ADAMTSL1: variants seen among roughly 807,000 people sequenced by gnomAD.
ADAMTSL1 encodes ADAMTS-like protein 1.
Under a neutral mutation model 201.8 loss-of-function variants are expected in ADAMTSL1, and 126 were observed. The observed-to-expected ratio is 0.62, with a 90% CI of 0.54 to 0.72. The LOEUF (loss-of-function observed/expected upper bound fraction) is 0.72, where lower values mean the gene tolerates loss of function less well. ADAMTSL1 is among the 30% of genes least tolerant of loss of function. ADAMTSL1 has a pLI of 0.00. For missense variants in ADAMTSL1, 2,679 were observed against 2,277.8 expected (o/e 1.18, Z -3.59); for synonymous variants, 1,121 against 903.4 (o/e 1.24, Z -4.32).
intron 3 of ADAMTSL1, among the ~76,000 whole-genome samples, chr9:18,552,662 C>T (rs1820858479): frequency 6.6e-6 from 1 of 151,626 alleles, no homozygotes; most frequent in Non-Finnish European, 1.5e-5. Context: ...GTTAATTTGC[C>T]AATTTCACCT....
chr9:18,896,303 C>T (rs946281784), intron 26 of ADAMTSL1, among the ~76,000 whole-genome samples: 1 of 152,124 alleles, frequency 6.6e-6, no homozygotes, highest in African/African-American at 2.4e-5. Flanking sequence ...AAGAGGGAAT[C>T]TTGAAAGCAG....
chr9:18,118,360 T>C (rs1448883239), intron 1 of ADAMTSL1, among the ~76,000 whole-genome samples: 1 of 152,210 alleles, frequency 6.6e-6, no homozygotes, highest in Admixed American at 6.5e-5. Context: ...TGCTGAGCAA[T>C]AAACAGTCCT....
rs148385674 is a variant in ADAMTSL1 at position 18,474,764 on chromosome 9, G to A, written c.63+469G>A. 9.2e-4 allele frequency among the ~76,000 whole-genome samples: 140 copies of A among 152,240 alleles called. No homozygotes were observed. In the East Asian group the frequency reaches 0.021, roughly 22 times the overall value. On this transcript the variant is annotated intron_variant, in intron 1 of 28. Transcript: ENST00000380548. ...ATGTACTATGGAACCAGGTAAAGAGGGGAATGAGAGCCTCTTTGCAGCCAA... is the reference window on the plus strand; with the variant it reads ...ATGTACTATGGAACCAGGTAAAGAGAGGAATGAGAGCCTCTTTGCAGCCAA...
chr9:18,849,292 A>C (rs1026276086), intron 23 of ADAMTSL1, among the ~76,000 whole-genome samples: 1 of 152,160 alleles, frequency 6.6e-6, no homozygotes, highest in African/African-American at 2.4e-5. Context: ...TCCGTCCCAC[A>C]TACCTCCACC....
chr9:18,607,982 G>A (rs1022632079), intron 4 of ADAMTSL1, among the ~76,000 whole-genome samples: 3 of 151,958 alleles, frequency 2.0e-5, no homozygotes, highest in Non-Finnish European at 4.4e-5. Context: ...TATCATTGTC[G>A]GACATAAACC....
chr9:18,616,508 C>T (rs148621364), intron 4 of ADAMTSL1, among the ~76,000 whole-genome samples: 1 of 152,204 alleles, frequency 6.6e-6, no homozygotes. Flanking sequence ...AATTATGGTG[C>T]TCCCGAGTGG....
chr9:18,168,450 T>A (rs1587209314), intron 2 of ADAMTSL1, among the ~76,000 whole-genome samples: 3 of 152,160 alleles, frequency 2.0e-5, no homozygotes, highest in African/African-American at 4.8e-5. Context: ...ACAAAGGACA[T>A]GAACTCATCA....
At chr9:17,919,742 T>C (rs565840179) in intron 1 of ADAMTSL1, among the ~76,000 whole-genome samples, 2 of 152,294 alleles carry the variant, frequency 1.3e-5, no homozygotes, top group African/African-American at 2.4e-5. Flanking sequence ...TTTGGATTTT[T>C]CCCACTTTTT....
At chr9:17,959,739 A>G (rs1255561370) in intron 1 of ADAMTSL1, among the ~76,000 whole-genome samples, 1 of 152,222 alleles carries the variant, frequency 6.6e-6, no homozygotes, top group Non-Finnish European at 1.5e-5. Flanking sequence ...TATAGGAGCA[A>G]GCCACTGCAC....
At chr9:18,565,218 A>G (rs35847846) in intron 3 of ADAMTSL1, among the ~76,000 whole-genome samples, 39,187 of 152,098 alleles carry the variant, frequency 0.26, 5,810 homozygotes, top group Admixed American at 0.36. Flanking sequence ...AAAGCTTTCA[A>G]TATACCTGTA....
chr9:18,394,426 T>C (rs1399562067), intron 2 of ADAMTSL1, among the ~76,000 whole-genome samples: 1 of 152,224 alleles, frequency 6.6e-6, no homozygotes, highest in Non-Finnish European at 1.5e-5. Flanking sequence ...ATGATATTCC[T>C]GACATTGTAA....
intron 4 of ADAMTSL1, among the ~76,000 whole-genome samples, chr9:18,576,917 A>G (rs1822772248): frequency 1.3e-5 from 2 of 151,886 alleles, no homozygotes; most frequent in South Asian, 4.2e-4. Context: ...TCGATTTTAT[A>G]TCTTGCCCAG....
chr9:18,641,844 AT>A (rs1827460416), intron 7 of ADAMTSL1, among the ~76,000 whole-genome samples: 2 of 152,000 alleles, frequency 1.3e-5, no homozygotes, highest in Admixed American at 1.3e-4. Flanking sequence ...TATATATCAT[AT>A]GAATTAAGCT....
intron 2 of ADAMTSL1, among the ~76,000 whole-genome samples, chr9:18,332,518 A>G (rs1037295460): frequency 2.6e-5 from 4 of 152,218 alleles, no homozygotes; most frequent in Non-Finnish European, 5.9e-5. Flanking sequence ...TGTTACAATC[A>G]TAGCCCCCTG....
At chr9:18,530,689 A>G (rs943894596) in intron 2 of ADAMTSL1, among the ~76,000 whole-genome samples, 1 of 152,188 alleles carries the variant, frequency 6.6e-6, no homozygotes, top group South Asian at 2.1e-4. Flanking sequence ...TAATTAATTT[A>G]TCTAACATCT....
intron 1 of ADAMTSL1, among the ~76,000 whole-genome samples, chr9:18,044,041 C>T (rs1821551335): frequency 2.0e-5 from 3 of 149,030 alleles, no homozygotes; most frequent in Non-Finnish European, 4.5e-5. Flanking sequence ...CCCTTGGGAA[C>T]CATTGTTATC....
At chr9:18,857,499 G>C (rs1459267124) in intron 23 of ADAMTSL1, among the ~76,000 whole-genome samples, 1 of 152,176 alleles carries the variant, frequency 6.6e-6, no homozygotes, top group Non-Finnish European at 1.5e-5. Context: ...ATGAGTCTTT[G>C]TTGTGAGACT....
chr9:18,274,465 G>A (rs757839861), intron 2 of ADAMTSL1, among the ~76,000 whole-genome samples: 5 of 152,030 alleles, frequency 3.3e-5, no homozygotes, highest in Non-Finnish European at 7.4e-5. Flanking sequence ...ATATCCTCAT[G>A]AAAAGAGTTA....
rs377150046 is a variant in ADAMTSL1, at chr9:18,777,018, G to T, written c.2789G>T (p.Gly930Val). Reference protein sequence around the residue: ...SSTHVTVAPFGYLKIHRLKPS... With the variant: ...SSTHVTVAPFVYLKIHRLKPS... Reference sequence around the variant, plus strand: ...ACGCACGTCACGGTGGCCCCCTTCGGCTATCTCAAGATCCACCGCCTCAAG... The same window carrying T: ...ACGCACGTCACGGTGGCCCCCTTCGTCTATCTCAAGATCCACCGCCTCAAG... Residue 930 changes from glycine to valine, a missense_variant, in exon 19 of 29, where the codon GGC becomes GTC. Coordinates refer to ENST00000380548, the MANE Select transcript of ADAMTSL1 (RefSeq NM_001040272.6). 6.2e-7 allele frequency: 1 copy of T among 1,607,006 alleles called. No individual in the cohort carries two copies. Among genetic ancestry groups the T allele is most frequent in the Non-Finnish European group, 8.5e-7 (1 of 1,175,472 alleles).
Sources: gnomAD v4.1 joint callset for allele counts (sites outside exome capture counted in the v4.1 genomes callset) on GRCh38, gnomAD v4.1.1 for gene constraint, MANE v1.5 for transcripts, NCBI Gene and HGNC (gene_info 2026-07-23, HGNC 2026-07-21) for gene names.